The following CRACR2A variants were observed in gnomAD, a reference collection of about 807,000 sequenced individuals.
The protein encoded by CRACR2A is EF-hand calcium-binding domain-containing protein 4B.
In CRACR2A, 79 loss-of-function variants were observed where a neutral mutation model predicts 90.5. That is an observed-to-expected ratio of 0.87 (90% confidence interval 0.73 to 1.05). The LOEUF is 1.05. Among genes scored for constraint, CRACR2A ranks in the 50% least tolerant of loss-of-function variants. The pLI is 0.00. For synonymous variants in CRACR2A, 338 were observed against 356.7 expected, an observed-to-expected ratio of 0.95 and a Z score of 0.59; for missense variants, 823 against 897.2, an observed-to-expected ratio of 0.92 and a Z score of 1.06.
At chr12:3,654,569 C>G (rs1277906155) in intron 9 of CRACR2A, among the ~76,000 whole-genome samples, 170 bp from the exon 10 acceptor site, 1 of 152,198 alleles carries the variant, frequency 6.6e-6, no homozygotes, top group African/African-American at 2.4e-5. Context: ...CACACGTACA[C>G]ACTCCTCTAG....
intron 4 of CRACR2A, among the ~76,000 whole-genome samples, chr12:3,686,816 G>A (rs1341276429): frequency 6.6e-6 from 1 of 152,166 alleles, no homozygotes; most frequent in South Asian, 2.1e-4. Context: ...GGGAGGCTGA[G>A]GACTCTCTAA....
rs1478961662 is a variant in CRACR2A at position 3,720,464 on chromosome 12, A to AAAGAAAGAAAGAAAGCAAGC, written c.-117-7148_-117-7147insGCTTGCTTTCTTTCTTTCTT. On this transcript the variant is annotated intron_variant, in intron 2 of 19. Transcript: ENST00000440314. ...GAAAGAAAGAAAGAAAGAAAGAAAG[A>AAAGAAAGAAAGAAAGCAAGC]AAGCAAAAGAAAAAAAGAAACAAAT... 6.2e-4 allele frequency among the ~76,000 whole-genome samples: 93 copies of AAAGAAAGAAAGAAAGCAAGC among 150,888 alleles called. 1 individual carries two copies. Among genetic ancestry groups the AAAGAAAGAAAGAAAGCAAGC allele is most frequent in the African/African-American group, 2.1e-3 (84 of 40,582 alleles).
intron 3 of CRACR2A, among the ~76,000 whole-genome samples, chr12:3,702,093 G>A (rs1036087625): frequency 7.9e-5 from 12 of 152,042 alleles, no homozygotes; most frequent in South Asian, 4.2e-4. Flanking sequence ...TACAGAAAAC[G>A]CATCTGACAA....
chr12:3,720,447 G>GCA (rs1307297385), intron 2 of CRACR2A, among the ~76,000 whole-genome samples: 1 of 133,820 alleles, frequency 7.5e-6, no homozygotes, highest in East Asian at 2.3e-4. Flanking sequence ...AAGAAAGAAA[G>GCA]AAAGAAAGAA....
At chr12:3,693,688 G>C (rs1945691166) in intron 4 of CRACR2A, among the ~76,000 whole-genome samples, 1 of 152,142 alleles carries the variant, frequency 6.6e-6, no homozygotes. Flanking sequence ...CTGTTAGTCT[G>C]ATGGGCTTCC....
intron 13 of CRACR2A, 75 bp downstream of exon 13, chr12:3,641,657 A>G (rs1944574218): frequency 7.5e-7 from 1 of 1,339,962 alleles, no homozygotes; most frequent in Non-Finnish European, 1.0e-6. Context: ...GTCAGCAGGC[A>G]CTGAGTATGG....
intron 10 of CRACR2A, among the ~76,000 whole-genome samples, chr12:3,653,246 G>A (rs914407683): frequency 2.0e-5 from 3 of 152,198 alleles, no homozygotes; most frequent in African/African-American, 7.2e-5. Flanking sequence ...CTCCCAAAGT[G>A]CTGGGATTAC....
intron 4 of CRACR2A, 27 bp downstream of exon 4, chr12:3,696,745 G>A (rs1945746075): frequency 6.2e-7 from 1 of 1,613,530 alleles, no homozygotes; most frequent in African/African-American, 1.3e-5. Flanking sequence ...ATTCTCAGTG[G>A]GCAGGCCTAC....
intron 15 of CRACR2A, 35 bp from the exon 16 acceptor site, chr12:3,627,741 G>A: frequency 1.3e-6 from 2 of 1,538,946 alleles, no homozygotes; most frequent in South Asian, 1.2e-5. Context: ...GGGCTGCCCT[G>A]GGCCAGGGGC....
At chr12:3,688,767 T>G (rs996007691) in intron 4 of CRACR2A, among the ~76,000 whole-genome samples, 3 of 152,232 alleles carry the variant, frequency 2.0e-5, no homozygotes, top group Admixed American at 6.5e-5. Context: ...AATGTATAAA[T>G]CGCTTTAGGC....
At chr12:3,639,942 C>T (rs1008635710) in intron 13 of CRACR2A, among the ~76,000 whole-genome samples, 3 of 152,268 alleles carry the variant, frequency 2.0e-5, no homozygotes, top group African/African-American at 4.8e-5. Flanking sequence ...TACTTTTACT[C>T]TGCTTACACA....
chr12:3,707,775 G>A (rs1261792595), intron 3 of CRACR2A, among the ~76,000 whole-genome samples: 2 of 152,170 alleles, frequency 1.3e-5, no homozygotes, highest in Non-Finnish European at 1.5e-5. Context: ...CCCTGGGCCC[G>A]GAAGAGAGAG....
intron 1 of CRACR2A, among the ~76,000 whole-genome samples, chr12:3,733,893 AC>A (rs1946398748): frequency 6.6e-6 from 1 of 151,336 alleles, no homozygotes; most frequent in Non-Finnish European, 1.5e-5. Flanking sequence ...ACACACACAC[AC>A]ACACACACAC....
chr12:3,632,997 T>C (rs1944401419), intron 15 of CRACR2A, among the ~76,000 whole-genome samples: 1 of 152,164 alleles, frequency 6.6e-6, no homozygotes, highest in Non-Finnish European at 1.5e-5. Context: ...TTAAATAAAA[T>C]ATCACCCAGA....
chr12:3,661,203 A>G (rs955952788), intron 7 of CRACR2A, among the ~76,000 whole-genome samples: 26 of 152,200 alleles, frequency 1.7e-4, no homozygotes, highest in African/African-American at 6.3e-4. Flanking sequence ...CCATGTGCAC[A>G]GGTGAACAAT....
intron 7 of CRACR2A, among the ~76,000 whole-genome samples, chr12:3,668,730 A>C (rs1417003377): frequency 6.6e-6 from 1 of 152,194 alleles, no homozygotes; most frequent in Non-Finnish European, 1.5e-5. Context: ...GCTGCCTGTC[A>C]GTCTGTAAGG....
chr12:3,644,272 G>A (rs1314086765), intron 12 of CRACR2A, among the ~76,000 whole-genome samples: 1 of 151,930 alleles, frequency 6.6e-6, no homozygotes, highest in Non-Finnish European at 1.5e-5. Flanking sequence ...TGAGCATTTT[G>A]GTTTAGAAGT....
intron 13 of CRACR2A, among the ~76,000 whole-genome samples, chr12:3,641,487 C>G (rs935092376): frequency 6.6e-6 from 1 of 152,220 alleles, no homozygotes; most frequent in African/African-American, 2.4e-5. Context: ...TCTGCAAACA[C>G]ACAGTAGGGT....
At chr12:3,648,355 C>T (rs71534261) in intron 11 of CRACR2A, 187 bp downstream of exon 11, 15,126 of 1,498,910 alleles carry the variant, frequency 0.01, 105 homozygotes, top group Middle Eastern at 0.015. Context: ...CATGTGTAAA[C>T]GGACCAAACA....
Sources: allele counts gnomAD v4.1 joint callset (sites outside exome capture counted in the v4.1 genomes callset), GRCh38; gene constraint gnomAD v4.1.1; transcripts MANE v1.5; gene names NCBI Gene and HGNC (gene_info 2026-07-23, HGNC 2026-07-21).